Variants in LAMA2 observed in about 807,000 individuals in gnomAD.
LAMA2 encodes the protein laminin subunit alpha-2.
In LAMA2, 269 loss-of-function variants were observed where a neutral mutation model predicts 364.8. That is an observed-to-expected ratio of 0.74 (90% CI 0.67 to 0.82). The LOEUF is 0.82. Among genes scored for constraint, LAMA2 ranks in the 40% least tolerant of loss-of-function variants. The probability of loss-of-function intolerance (pLI) is 0.00; values close to 1 mark genes in which losing one functional copy is unlikely to be tolerated. For missense variants in LAMA2, 3,807 were observed against 3,873.2 expected, an observed-to-expected ratio of 0.98 and a Z score of 0.45; for synonymous variants, 1,379 against 1,370.6, an observed-to-expected ratio of 1.01 and a Z score of -0.14.
intron 1 of LAMA2, among the ~76,000 whole-genome samples, chr6:128,966,870 T>A (rs966514666): frequency 1.1e-4 from 16 of 152,208 alleles, no homozygotes; most frequent in Admixed American, 9.8e-4. Context: ...GCAGGAATAC[T>A]GGCTTTTTGT....
At chr6:129,431,277 T>A (rs1236303173) in intron 41 of LAMA2, among the ~76,000 whole-genome samples, 1 of 151,794 alleles carries the variant, frequency 6.6e-6, no homozygotes, top group Non-Finnish European at 1.5e-5. Flanking sequence ...TGGGTGCCTG[T>A]AATCCCAGCT....
intron 1 of LAMA2, among the ~76,000 whole-genome samples, chr6:129,012,336 G>A (rs1168737537): frequency 6.7e-6 from 1 of 149,596 alleles, no homozygotes; most frequent in Admixed American, 6.7e-5. Context: ...GCTTTGTTAA[G>A]TTATTTAGAA....
At chr6:128,930,044 CGCCCGCAGCCCTGCAGGGCCGGCCG>C (rs1779362515) in intron 1 of LAMA2, 1 of 413,762 alleles carries the variant, frequency 2.4e-6, no homozygotes, top group Non-Finnish European at 4.4e-6. Flanking sequence ...GGCGCCGTGG[CGCCCGCAGCCCTGCAGGGCCGGCCG>C]GCAGCGGGGT....
chr6:128,901,652 C>A (rs1314683173), intron 1 of LAMA2, among the ~76,000 whole-genome samples: 1 of 152,130 alleles, frequency 6.6e-6, no homozygotes, highest in East Asian at 1.9e-4. Context: ...CCATAGAAAT[C>A]ATGATAACTA....
chr6:129,512,470 G>T lies in LAMA2; in HGVS notation c.8965G>T (p.Gly2989Cys), dbSNP rs1277287216. 1 of 1,613,552 alleles carries T rather than the reference G, an allele frequency of 6.2e-7. No homozygotes were observed. Among genetic ancestry groups the T allele is most frequent in the Admixed American group, 1.7e-5 (1 of 60,000 alleles). ...GISSQKMDGM[G>C]IEMIDEKLMF... ...CAGTAGTCAAAAAATGGATGGAATG[G>T]GTATTGAAATGATTGATGAAAAGGT... The change falls in exon 63 of 65, where the codon GGT (glycine) becomes TGT (cysteine). Residue 2989 changes from glycine (G) to cysteine (C), a missense_variant. By Grantham distance (159) the Gly-to-Cys change is radical. Coordinates refer to ENST00000421865, the MANE Select transcript of LAMA2 (RefSeq NM_000426.4).
chr6:128,920,451 G>A (rs991844757), intron 1 of LAMA2, among the ~76,000 whole-genome samples: 7 of 151,640 alleles, frequency 4.6e-5, no homozygotes, highest in South Asian at 2.1e-4. Context: ...CCACCGTGCC[G>A]GTCCCTCATG....
intron 12 of LAMA2, among the ~76,000 whole-genome samples, chr6:129,209,727 G>A (rs945689818): frequency 2.0e-5 from 3 of 152,040 alleles, no homozygotes; most frequent in Non-Finnish European, 4.4e-5. Flanking sequence ...TTATTGGCCG[G>A]GCGCGGTGGC....
intron 59 of LAMA2, 133 bp from the exon 60 acceptor site, chr6:129,502,958 C>A: frequency 1.1e-6 from 1 of 939,254 alleles, no homozygotes. Context: ...AAATCAGTAG[C>A]CTGATAAAGT....
At chr6:129,128,039 A>G (rs568021231) in intron 4 of LAMA2, among the ~76,000 whole-genome samples, 1 of 152,220 alleles carries the variant, frequency 6.6e-6, no homozygotes, top group East Asian at 1.9e-4. Flanking sequence ...TTTGTGGCCT[A>G]TACTTTGGGG....
At position 129,313,179 on chromosome 6, in the gene LAMA2, G is replaced by A. The variant is rs189994447; in HGVS notation, c.3411+82G>A. 30 of 821,930 alleles carry A rather than the reference G, an allele frequency of 3.6e-5. No individual in the cohort carries two copies. The African/African-American group carries it at 4.6e-4, about 13-fold the overall frequency. 50.9% of individuals were successfully genotyped at this position (821,930 alleles called of 1,614,324 possible). ...TCAGTTTTAACTTCATTCAGTGTTT[G>A]TTATACCTGCTTCATTAAGCTAAAC... is the stretch of plus-strand genomic sequence containing the variant. On this transcript the variant is annotated intron_variant, in intron 23 of 64. Coordinates refer to ENST00000421865, the MANE Select transcript of LAMA2 (RefSeq NM_000426.4).
At chr6:129,365,152 A>G (rs971496819) in intron 32 of LAMA2, among the ~76,000 whole-genome samples, 4 of 152,190 alleles carry the variant, frequency 2.6e-5, no homozygotes, top group African/African-American at 9.6e-5. Flanking sequence ...ATTCTTGGCT[A>G]CTTAAAGAAT....
At chr6:129,232,209 A>C (rs567642825) in intron 12 of LAMA2, among the ~76,000 whole-genome samples, 2 of 152,206 alleles carry the variant, frequency 1.3e-5, no homozygotes, top group Admixed American at 1.3e-4. Flanking sequence ...AACTCACTTT[A>C]AGTTTTACTA....
intron 14 of LAMA2, among the ~76,000 whole-genome samples, chr6:129,260,267 T>G (rs1279239412): frequency 6.6e-6 from 1 of 152,112 alleles, no homozygotes; most frequent in Non-Finnish European, 1.5e-5. Context: ...AAAACAAAAT[T>G]GTTTCCATCT....
intron 20 of LAMA2, among the ~76,000 whole-genome samples, chr6:129,297,200 C>G (rs1773238628): frequency 6.6e-6 from 1 of 152,036 alleles, no homozygotes; most frequent in African/African-American, 2.4e-5. Flanking sequence ...GGATATGTGA[C>G]AAAATTCTAT....
intron 49 of LAMA2, among the ~76,000 whole-genome samples, chr6:129,461,026 A>C (rs1783228025): frequency 6.6e-6 from 1 of 152,062 alleles, no homozygotes; most frequent in Non-Finnish European, 1.5e-5. Context: ...CTTTTATATA[A>C]AAATGAATAC....
chr6:129,042,716 C>T (rs1428692445), intron 1 of LAMA2, among the ~76,000 whole-genome samples: 3 of 152,102 alleles, frequency 2.0e-5, no homozygotes, highest in African/African-American at 7.2e-5. Context: ...GTTTTATTTT[C>T]CTAAAAGATT....
chr6:128,897,039 C>A (rs182421660), intron 1 of LAMA2, among the ~76,000 whole-genome samples: 84 of 152,314 alleles, frequency 5.5e-4, no homozygotes, highest in African/African-American at 2.0e-3. Flanking sequence ...AACTGAAATG[C>A]AAAATGTTAA....
intron 35 of LAMA2, among the ~76,000 whole-genome samples, chr6:129,388,678 C>T (rs1313866910): frequency 2.0e-5 from 3 of 151,844 alleles, no homozygotes; most frequent in Non-Finnish European, 2.9e-5. Context: ...TTTATACACG[C>T]ACACACACAC....
At chr6:129,489,280 G>A (rs1784742872) in intron 56 of LAMA2, among the ~76,000 whole-genome samples, 1 of 152,024 alleles carries the variant, frequency 6.6e-6, no homozygotes, top group Non-Finnish European at 1.5e-5. Flanking sequence ...ACCAAACTGG[G>A]GGCCAAGCTT....
Sources: allele counts gnomAD v4.1 joint callset (sites outside exome capture counted in the v4.1 genomes callset), GRCh38; gene constraint gnomAD v4.1.1; transcripts MANE v1.5; gene names NCBI Gene and HGNC (gene_info 2026-07-23, HGNC 2026-07-21).